ANO1: variants seen among roughly 807,000 people sequenced by gnomAD.
ANO1 encodes the protein anoctamin-1.
Under a neutral mutation model 124.0 loss-of-function variants are expected in ANO1, and 59 were observed. The observed-to-expected ratio is 0.48, with a 90% confidence interval of 0.39 to 0.59. The LOEUF is 0.59. Ranked by LOEUF, ANO1 falls within the 20% of genes least tolerant of loss-of-function variation. ANO1 has a pLI of 0.00. For missense variants in ANO1, 1,059 were observed against 1,328.0 expected (o/e 0.80, Z 3.15); for synonymous variants, 529 against 532.0 (o/e 0.99, Z 0.08).
chr11:70,014,421 G>T (rs1449895936), intron 1 of ANO1, among the ~76,000 whole-genome samples: 1 of 152,080 alleles, frequency 6.6e-6, no homozygotes, highest in Non-Finnish European at 1.5e-5. Context: ...TTGTGTGCCC[G>T]ACTCCTTTCC....
At chr11:70,171,063 G>A in intron 22 of ANO1, 24 bp downstream of exon 22, 1 of 1,607,554 alleles carries the variant, frequency 6.2e-7, no homozygotes, top group Non-Finnish European at 8.5e-7. Context: ...CGGGCCGGCA[G>A]AACCGGTTCC....
At chr11:70,110,213 G>A (rs896184545) in intron 6 of ANO1, among the ~76,000 whole-genome samples, 5 of 144,306 alleles carry the variant, frequency 3.5e-5, no homozygotes, top group Non-Finnish European at 7.5e-5. Context: ...TTTAGACAGA[G>A]TGTTGCTCTG....
intron 4 of ANO1, among the ~76,000 whole-genome samples, chr11:70,105,234 G>C (rs2045470151): frequency 6.6e-6 from 1 of 152,194 alleles, no homozygotes; most frequent in African/African-American, 2.4e-5. Context: ...AGAGCAGGGA[G>C]TGTGTTCCCA....
At chr11:70,143,738 G>T (rs2047244877) in intron 11 of ANO1, among the ~76,000 whole-genome samples, 1 of 152,164 alleles carries the variant, frequency 6.6e-6, no homozygotes, top group African/African-American at 2.4e-5. Flanking sequence ...TGTCCCTCCG[G>T]CCCATTCTCC....
chr11:70,128,718 C>T (rs557012397), intron 10 of ANO1, among the ~76,000 whole-genome samples: 1 of 152,384 alleles, frequency 6.6e-6, no homozygotes, highest in South Asian at 2.1e-4. Flanking sequence ...TGCCCTTGTA[C>T]CTCCGGTCCT....
chr11:70,111,174 G>A (rs930851876), intron 6 of ANO1: 6 of 457,214 alleles, frequency 1.3e-5, no homozygotes, highest in Admixed American at 4.7e-5. Context: ...AGTAAAAGGC[G>A]GAAATGTGGG....
chr11:70,058,911 C>A (rs369074602), intron 1 of ANO1, among the ~76,000 whole-genome samples: 1 of 151,836 alleles, frequency 6.6e-6, no homozygotes, highest in Non-Finnish European at 1.5e-5. Flanking sequence ...CCGCCGAGTG[C>A]GGTGGCTCAC....
chr11:70,171,711 A>G (rs1360223446), intron 22 of ANO1, among the ~76,000 whole-genome samples: 1 of 152,224 alleles, frequency 6.6e-6, no homozygotes, highest in African/African-American at 2.4e-5. Flanking sequence ...TCACTCCTGT[A>G]ATCCCAGTGC....
At chr11:70,093,519 C>T (rs115170514) in intron 2 of ANO1, among the ~76,000 whole-genome samples, 3,209 of 152,306 alleles carry the variant, frequency 0.021, 113 homozygotes, top group African/African-American at 0.073. Flanking sequence ...ACACTAAACT[C>T]TTGGCTGTGT....
intron 1 of ANO1, among the ~76,000 whole-genome samples, chr11:70,067,331 T>C (rs1416345067): frequency 2.1e-4 from 31 of 148,592 alleles, no homozygotes; most frequent in African/African-American, 7.6e-4. Flanking sequence ...GTGTTTTTTT[T>C]TTTTTTTTTT....
At chr11:70,084,517 G>A (rs937449177) in intron 1 of ANO1, among the ~76,000 whole-genome samples, 3 of 152,050 alleles carry the variant, frequency 2.0e-5, no homozygotes, top group Admixed American at 6.6e-5. Flanking sequence ...CCGCTGCTCC[G>A]CATTTAGCAG....
At chr11:70,016,035 T>C (rs201120377) in intron 1 of ANO1, among the ~76,000 whole-genome samples, 12 of 144,162 alleles carry the variant, frequency 8.3e-5, no homozygotes, top group East Asian at 6.4e-4. Context: ...TTTTTTTTTT[T>C]CTTTTTTTTT....
At chr11:69,990,691 G>A (rs947930084) in intron 1 of ANO1, among the ~76,000 whole-genome samples, 48 of 151,780 alleles carry the variant, frequency 3.2e-4, no homozygotes, top group African/African-American at 1.1e-3. Context: ...CTGTGGGTGC[G>A]AAGTGGTATA....
At chr11:70,113,658 G>C (rs1417620207) in intron 7 of ANO1, among the ~76,000 whole-genome samples, 3 of 152,152 alleles carry the variant, frequency 2.0e-5, no homozygotes, top group Non-Finnish European at 2.9e-5. Context: ...TCCCTGCTGA[G>C]AGGCTGAGGC....
chr11:70,006,310 A>T (rs1409833562), intron 1 of ANO1, among the ~76,000 whole-genome samples: 1 of 152,050 alleles, frequency 6.6e-6, no homozygotes, highest in African/African-American at 2.4e-5. Context: ...CCCTCCCATC[A>T]TGACATTTTA....
intron 1 of ANO1, among the ~76,000 whole-genome samples, chr11:70,010,179 G>GTGTATGTATATATATA: frequency 3.6e-5 from 3 of 83,774 alleles, no homozygotes; most frequent in Admixed American, 1.3e-4. Context: ...GTGTGTGTGT[G>GTGTATGTATATATATA]TATATATATA....
At chr11:70,081,071 A>G (rs1565179453) in intron 1 of ANO1, among the ~76,000 whole-genome samples, 1 of 152,228 alleles carries the variant, frequency 6.6e-6, no homozygotes, top group African/African-American at 2.4e-5. Flanking sequence ...GCACAAGTCA[A>G]CCACAAGATA....
At chr11:70,176,243 G>A (rs540417364) in intron 22 of ANO1, among the ~76,000 whole-genome samples, 120 of 151,402 alleles carry the variant, frequency 7.9e-4, no homozygotes, top group Middle Eastern at 6.8e-3. Context: ...CACCTCCTGG[G>A]TTCAAGCGAT....
At chr11:69,984,519 C>A (rs1396582618), upstream of ANO1, among the ~76,000 whole-genome samples, 1 of 20,280 alleles carries the variant, frequency 4.9e-5, no homozygotes, top group African/African-American at 1.7e-4. Flanking sequence ...GAGGTGGGGG[C>A]GGGGAAGGAG....
Sources: allele counts gnomAD v4.1 joint callset (sites outside exome capture counted in the v4.1 genomes callset), GRCh38; gene constraint gnomAD v4.1.1; transcripts MANE v1.5; gene names NCBI Gene and HGNC (gene_info 2026-07-23, HGNC 2026-07-21).